CD48: variants seen among roughly 807,000 people sequenced by gnomAD.
CD48 encodes the protein CD48 molecule.
In CD48, 20 loss-of-function variants were observed where a neutral mutation model predicts 22.0. The observed-to-expected ratio is 0.91, with a 90% CI of 0.64 to 1.32. CD48 has a LOEUF of 1.32. CD48 is among the 40% of genes most tolerant of loss of function. The probability of loss-of-function intolerance (pLI) is 0.00; values close to 1 mark genes in which losing one functional copy is unlikely to be tolerated. For missense variants in CD48, 307 were observed against 286.5 expected (o/e 1.07, Z -0.52); for synonymous variants, 110 against 110.1 (o/e 1.00, Z 0.01).
intron 2 of CD48, among the ~76,000 whole-genome samples, chr1:160,682,552 G>GAGGC (rs1461622083): frequency 7.1e-6 from 1 of 141,776 alleles, no homozygotes; most frequent in Non-Finnish European, 1.5e-5. Context: ...GGGAGGGAGG[G>GAGGC]AGGCAAGTAG....
At chr1:160,685,478 C>T (rs968705969) in intron 1 of CD48, among the ~76,000 whole-genome samples, 4 of 152,110 alleles carry the variant, frequency 2.6e-5, no homozygotes, top group Non-Finnish European at 2.9e-5. Context: ...TGGCTCTCTC[C>T]CTTACTCTCA....
chr1:160,681,562 C>T (rs995603494), intron 2 of CD48, 94 bp from the exon 3 acceptor site: 4 of 1,464,150 alleles, frequency 2.7e-6, no homozygotes, highest in East Asian at 2.3e-5. Flanking sequence ...AGGGAAGGGG[C>T]CTGAATGCCC....
chr1:160,708,399 C>T (rs553468770), intron 1 of CD48, among the ~76,000 whole-genome samples: 24 of 152,070 alleles, frequency 1.6e-4, no homozygotes, highest in Middle Eastern at 3.4e-3. Flanking sequence ...AAATGTATAC[C>T]GACAGCAGGG....
At chr1:160,707,612 T>A (rs941634222) in intron 1 of CD48, among the ~76,000 whole-genome samples, 10 of 152,166 alleles carry the variant, frequency 6.6e-5, no homozygotes, top group African/African-American at 2.4e-4. Context: ...TAGTTTCGAT[T>A]TCTTCTGCAA....
chr1:160,702,809 C>G (rs1371286746), intron 1 of CD48, among the ~76,000 whole-genome samples: 1 of 152,104 alleles, frequency 6.6e-6, no homozygotes, highest in Non-Finnish European at 1.5e-5. Context: ...ACCTCGTGAT[C>G]AGGTAAATTT....
chr1:160,686,458 T>C (rs2102408678), intron 1 of CD48, among the ~76,000 whole-genome samples: 1 of 152,304 alleles, frequency 6.6e-6, no homozygotes, highest in Middle Eastern at 3.4e-3. Flanking sequence ...AGATGACCAC[T>C]AGGGTAAGCC....
intron 3 of CD48, among the ~76,000 whole-genome samples, chr1:160,679,998 T>C (rs959558975): frequency 2.6e-5 from 4 of 151,970 alleles, no homozygotes; most frequent in African/African-American, 9.7e-5. Flanking sequence ...ACAGGGCCAA[T>C]TAGTTAGGAA....
chr1:160,705,043 C>T (rs1472525917), intron 1 of CD48, among the ~76,000 whole-genome samples: 1 of 152,188 alleles, frequency 6.6e-6, no homozygotes, highest in Non-Finnish European at 1.5e-5. Flanking sequence ...TGCTGCCGCA[C>T]AAAAACTCAG....
At chr1:160,705,119 T>C (rs1406877245) in intron 1 of CD48, among the ~76,000 whole-genome samples, 4 of 152,212 alleles carry the variant, frequency 2.6e-5, no homozygotes, top group African/African-American at 7.2e-5. Context: ...TCCAAAAACA[T>C]TCTCAACCAC....
rs369332660 is a variant in CD48, at chr1:160,711,686, A to G, written c.78T>C (p.Ile26=). 2 of 1,611,224 alleles carry G rather than the reference A, an allele frequency of 1.2e-6. No individual in the cohort carries two copies. Among genetic ancestry groups the G allele is most frequent in the African/African-American group, 2.7e-5 (2 of 74,846 alleles). Residue 26 remains isoleucine, a synonymous_variant, in exon 1 of 4, where the codon ATT becomes ATC. Transcript: ENST00000368046. ...TACACAGTTGGTGGAAAGTACCTTG[A>G]ATGCTGGTCACCAGGAGTGACAGAG... ...LLPLSLLVTS[I]QGHLVHMTVV...
chr1:160,683,658 G>A (rs1661889233), intron 2 of CD48: 1 of 152,076 alleles, frequency 6.6e-6, no homozygotes, highest in Non-Finnish European at 1.5e-5. Context: ...GAATCTGACT[G>A]CTTGGATCAG....
chr1:160,703,049 C>T (rs1048021451), intron 1 of CD48, among the ~76,000 whole-genome samples: 1 of 152,054 alleles, frequency 6.6e-6, no homozygotes, highest in African/African-American at 2.4e-5. Flanking sequence ...TCATACACAC[C>T]TTTGTTACTT....
At chr1:160,706,080 T>C (rs981448024) in intron 1 of CD48, among the ~76,000 whole-genome samples, 3 of 152,136 alleles carry the variant, frequency 2.0e-5, no homozygotes, top group Middle Eastern at 3.4e-3. Context: ...CACTTATATA[T>C]ATATAATTTT....
intron 1 of CD48, among the ~76,000 whole-genome samples, chr1:160,707,867 C>T (rs1232154567): frequency 7.2e-5 from 11 of 152,190 alleles, no homozygotes; most frequent in Admixed American, 1.3e-4. Context: ...TGAACTTCCT[C>T]ATGTATTCAC....
chr1:160,701,284 G>A (rs1042702714), intron 1 of CD48, among the ~76,000 whole-genome samples: 5 of 146,068 alleles, frequency 3.4e-5, no homozygotes, highest in African/African-American at 7.6e-5. Context: ...CCCTTAAATC[G>A]GTTACCATCC....
At chr1:160,709,914 A>G (rs917239588) in intron 1 of CD48, among the ~76,000 whole-genome samples, 1 of 152,206 alleles carries the variant, frequency 6.6e-6, no homozygotes, top group African/African-American at 2.4e-5. Context: ...TTCACAAACC[A>G]TAATCTGGAG....
chr1:160,709,630 G>T (rs1662892431), intron 1 of CD48, among the ~76,000 whole-genome samples: 2 of 152,294 alleles, frequency 1.3e-5, no homozygotes, highest in South Asian at 4.1e-4. Context: ...AGAAACCCAA[G>T]TCTGAGGAGA....
rs1284507615 is a variant in CD48 at position 160,685,140 on chromosome 1, G to A, written c.132C>T (p.Asn44=). Residue 44 remains asparagine, a synonymous_variant, in exon 2 of 4, where the codon AAC becomes AAT. Transcript: ENST00000368046. The part of the protein sequence containing the change: ...TVVSGSNVTL[N]ISESLPENYK... Reference sequence around the variant, plus strand: ...AGTTCTCAGGCAGGCTCTCAGAGATGTTCAGAGTCACGTTGCTGCCGGAGA... The same window carrying A: ...AGTTCTCAGGCAGGCTCTCAGAGATATTCAGAGTCACGTTGCTGCCGGAGA... 9 of 1,612,824 alleles carry A rather than the reference G, an allele frequency of 5.6e-6. No individual in the cohort carries two copies. Among genetic ancestry groups the A allele is most frequent in the Non-Finnish European group, 7.6e-6 (9 of 1,178,864 alleles).
chr1:160,685,524 A>G (rs548224535), intron 1 of CD48, among the ~76,000 whole-genome samples: 3 of 152,338 alleles, frequency 2.0e-5, no homozygotes, highest in East Asian at 3.9e-4. Context: ...ATGACAAGTC[A>G]TATCTCTGCT....
Sources: gnomAD v4.1 joint callset for allele counts (sites outside exome capture counted in the v4.1 genomes callset) on GRCh38, gnomAD v4.1.1 for gene constraint, MANE v1.5 for transcripts, NCBI Gene and HGNC (gene_info 2026-07-23, HGNC 2026-07-21) for gene names.